Variants in LTA4H observed in about 807,000 individuals in gnomAD.
LTA4H encodes the protein leukotriene A-4 hydrolase.
In LTA4H, 59 loss-of-function variants were observed where a neutral mutation model predicts 89.8. The observed-to-expected ratio is 0.66, with a 90% CI of 0.53 to 0.82. LTA4H has a LOEUF of 0.82. Among genes scored for constraint, LTA4H ranks in the 40% least tolerant of loss-of-function variants. The probability of loss-of-function intolerance (pLI) is 0.00; values close to 1 mark genes in which losing one functional copy is unlikely to be tolerated. For synonymous variants in LTA4H, 227 were observed against 253.1 expected (o/e 0.90, Z 0.98); for missense variants, 617 against 727.0 (o/e 0.85, Z 1.74).
At chr12:96,035,124 G>T (rs1223079040) in intron 1 of LTA4H, among the ~76,000 whole-genome samples, 1 of 152,222 alleles carries the variant, frequency 6.6e-6, no homozygotes, top group Non-Finnish European at 1.5e-5. Context: ...ACGTATAAGT[G>T]GGGGCTGAGG....
intron 3 of LTA4H, among the ~76,000 whole-genome samples, chr12:96,025,649 A>G (rs944069708): frequency 6.6e-6 from 1 of 152,036 alleles, no homozygotes; most frequent in African/African-American, 2.4e-5. Context: ...TGGGCAACAT[A>G]GTGAGACCTT....
At chr12:96,033,485 T>C (rs1488665540) in intron 1 of LTA4H, among the ~76,000 whole-genome samples, 1 of 152,190 alleles carries the variant, frequency 6.6e-6, no homozygotes, top group East Asian at 1.9e-4. Context: ...TTGCTTAATT[T>C]TTAAATCTCT....
intron 17 of LTA4H, 116 bp from the exon 18 acceptor site, chr12:96,003,180 T>C (rs908575868): frequency 9.2e-5 from 57 of 620,994 alleles, no homozygotes; most frequent in Non-Finnish European, 1.0e-4. Flanking sequence ...ATAGTTATAC[T>C]GTACACCACT....
At chr12:96,004,043 G>T in intron 16 of LTA4H, 123 bp from the exon 17 acceptor site, 1 of 460,760 alleles carries the variant, frequency 2.2e-6, no homozygotes, top group South Asian at 4.8e-5. Flanking sequence ...AAATAAGTCA[G>T]ATAAAAATAA....
At chr12:96,031,866 T>TA (rs1482619631) in intron 1 of LTA4H, among the ~76,000 whole-genome samples, 2 of 152,214 alleles carry the variant, frequency 1.3e-5, no homozygotes, top group African/African-American at 2.4e-5. Context: ...AGAGTTTTTT[T>TA]AAAAAAAGCT....
At chr12:96,035,326 G>A in intron 1 of LTA4H, 35 bp downstream of exon 1, 1 of 1,567,926 alleles carries the variant, frequency 6.4e-7, no homozygotes, top group South Asian at 1.1e-5. Context: ...AGGGAGCCCG[G>A]GAGAGGCGGG....
chr12:96,021,981 C>T (rs1950458258), intron 5 of LTA4H, among the ~76,000 whole-genome samples, 166 bp downstream of exon 5: 1 of 151,854 alleles, frequency 6.6e-6, no homozygotes, highest in Non-Finnish European at 1.5e-5. Flanking sequence ...GTAAGTAGAA[C>T]AAAACCCTTT....
At chr12:96,034,874 T>C (rs906505538) in intron 1 of LTA4H, among the ~76,000 whole-genome samples, 1 of 152,032 alleles carries the variant, frequency 6.6e-6, no homozygotes, top group African/African-American at 2.4e-5. Flanking sequence ...TTGGGTGAGA[T>C]TGTTGACTGA....
chr12:96,024,914 C>A (rs1950496871), intron 3 of LTA4H, among the ~76,000 whole-genome samples: 1 of 152,152 alleles, frequency 6.6e-6, no homozygotes, highest in South Asian at 2.1e-4. Context: ...GTGATCTGCC[C>A]ACCTCGGCCT....
rs553980494 is a variant in LTA4H, at chr12:96,022,823, A to C, written c.481-572T>G. ...CAGCCACCATCCCTGCTCCCGCTAC[A>C]CTCACAAAACAGATTCAAAAGGACG... On this transcript the variant is annotated intron_variant, in intron 4 of 18. Transcript: ENST00000228740. This position sits in a 1 kb window ranked among gnomAD's most constrained non-coding sequence, Gnocchi z 4.0. Among the ~76,000 whole-genome samples the C allele has an allele frequency of 1.3e-5, 2 of 152,288 alleles. No individual in the cohort carries two copies. Among genetic ancestry groups the C allele is most frequent in the East Asian group, 1.9e-4 (1 of 5,174 alleles).
chr12:96,015,165 T>C (rs1950358298), intron 11 of LTA4H, 166 bp from the exon 12 acceptor site: 6 of 551,444 alleles, frequency 1.1e-5, no homozygotes, highest in Non-Finnish European at 1.9e-5. Context: ...TGGAAGTCTA[T>C]TAATAGAATG....
upstream of LTA4H, among the ~76,000 whole-genome samples, chr12:96,037,691 G>GTT (rs1566021031): frequency 3.7e-5 from 5 of 136,582 alleles, no homozygotes; most frequent in African/African-American, 1.4e-4. Flanking sequence ...CATTGAGAAA[G>GTT]CTTTTTTTTT....
intron 1 of LTA4H, chr12:96,043,176 G>A (rs548099357): frequency 1.4e-6 from 1 of 728,172 alleles, no homozygotes; most frequent in Non-Finnish European, 2.3e-6. Context: ...GCAACCTGCA[G>A]TAGTTGGCAA....
intron 18 of LTA4H, 22 bp from the exon 19 acceptor site, chr12:96,001,128 AAAAG>A (rs765344927): frequency 1.0e-5 from 15 of 1,495,306 alleles, no homozygotes; most frequent in African/African-American, 1.4e-5. Context: ...GAAAAAATTG[AAAAG>A]AAAGAAAGGC....
upstream of LTA4H, chr12:96,035,668 A>C (rs750687428): frequency 4.6e-4 from 651 of 1,429,348 alleles, 2 homozygotes; most frequent in Non-Finnish European, 5.4e-4. Context: ...TCTTAAAGTC[A>C]GACGAGCGTT....
At chr12:96,009,188 C>T in intron 14 of LTA4H, 40 bp from the exon 15 acceptor site, 2 of 1,426,132 alleles carry the variant, frequency 1.4e-6, no homozygotes, top group South Asian at 1.2e-5. Context: ...AATGCACGTG[C>T]TTTTGCAGAA....
chr12:96,004,683 A>G (rs561357918), intron 16 of LTA4H, among the ~76,000 whole-genome samples: 3 of 152,298 alleles, frequency 2.0e-5, no homozygotes, highest in Admixed American at 1.3e-4. Context: ...CTTACCTTAC[A>G]GGACTCCACA....
intron 8 of LTA4H, 104 bp from the exon 9 acceptor site, chr12:96,017,684 G>C: frequency 1.3e-6 from 1 of 749,156 alleles, no homozygotes; most frequent in Non-Finnish European, 2.3e-6. Flanking sequence ...GTGATCCACT[G>C]TATTTCTACT....
At chr12:96,028,427 A>C (rs1157391651) in intron 2 of LTA4H, among the ~76,000 whole-genome samples, 3 of 152,162 alleles carry the variant, frequency 2.0e-5, no homozygotes, top group Non-Finnish European at 2.9e-5. Flanking sequence ...ACTGGGGTAG[A>C]TCACCCTTGT....
Sources: allele counts gnomAD v4.1 joint callset (sites outside exome capture counted in the v4.1 genomes callset), GRCh38; gene constraint gnomAD v4.1.1; non-coding constraint Gnocchi (gnomAD v3.1); transcripts MANE v1.5; gene names NCBI Gene and HGNC (gene_info 2026-07-23, HGNC 2026-07-21).